Variants in ARHGEF37 observed in about 807,000 individuals in gnomAD.
ARHGEF37 encodes the protein Rho guanine nucleotide exchange factor 37.
Under a neutral mutation model 71.1 loss-of-function variants are expected in ARHGEF37, and 55 were observed. That is an observed-to-expected ratio of 0.77 (90% CI 0.62 to 0.97). The LOEUF (loss-of-function observed/expected upper bound fraction) is 0.97. ARHGEF37 is among the 50% of genes least tolerant of loss of function. The pLI is 0.00. For synonymous variants in ARHGEF37, 327 were observed against 350.6 expected (o/e 0.93, Z 0.75); for missense variants, 765 against 836.8 (o/e 0.91, Z 1.06).
At chr5:149,571,029 G>A (rs1762956600) in intron 1 of ARHGEF37, among the ~76,000 whole-genome samples, 1 of 152,026 alleles carries the variant, frequency 6.6e-6, no homozygotes. Context: ...TGCAACCTCT[G>A]CCTCCCAGGT....
At chr5:149,564,702 T>G (rs1194464188) in intron 1 of ARHGEF37, among the ~76,000 whole-genome samples, 1 of 152,122 alleles carries the variant, frequency 6.6e-6, no homozygotes, top group Non-Finnish European at 1.5e-5. Flanking sequence ...TGCATGCCTG[T>G]AATCCCAGCT....
At chr5:149,555,220 A>C (rs1762737781) in intron 1 of ARHGEF37, among the ~76,000 whole-genome samples, 1 of 152,102 alleles carries the variant, frequency 6.6e-6, no homozygotes. Flanking sequence ...AAATATCAAA[A>C]GTGTAGAATA....
chr5:149,553,670 C>G (rs1160021480), intron 1 of ARHGEF37, among the ~76,000 whole-genome samples: 2 of 152,158 alleles, frequency 1.3e-5, no homozygotes, highest in Non-Finnish European at 2.9e-5. Flanking sequence ...TCCCAAAGAT[C>G]TGTGTATGGA....
intron 1 of ARHGEF37, among the ~76,000 whole-genome samples, chr5:149,562,436 A>T (rs1762844169): frequency 6.6e-6 from 1 of 151,718 alleles, no homozygotes; most frequent in Non-Finnish European, 1.5e-5. Context: ...TTTTATTTTT[A>T]TTATTTTTAT....
rs772012164 is a variant in ARHGEF37, at chr5:149,618,169, G to A, written c.659-7G>A. On this transcript the variant is annotated splice_polypyrimidine_tract_variant and splice_region_variant and intron_variant, in intron 5 of 12. Transcript: ENST00000333677. ...CACCGTGCTTCCCCTCTTCTCTGTCGTTGCAGCCTCCAAGTACACCAAGGT... is the reference window on the plus strand; with the variant it reads ...CACCGTGCTTCCCCTCTTCTCTGTCATTGCAGCCTCCAAGTACACCAAGGT... 29 of 1,613,908 alleles carry A rather than the reference G, an allele frequency of 1.8e-5. No individual in the cohort carries two copies. Among genetic ancestry groups the A allele is most frequent in the Non-Finnish European group, 2.4e-5 (28 of 1,179,956 alleles).
At position 149,597,900 on chromosome 5, in the gene ARHGEF37, C is replaced by G. The variant is rs754328535; in HGVS notation, c.131C>G (p.Ser44Cys). Residue 44 changes from serine (S) to cysteine (C), a missense_variant, in exon 2 of 13, where the codon TCC (serine) becomes TGC (cysteine). Ser to Cys is a moderately radical substitution (Grantham distance 112, BLOSUM62 -1). Coordinates refer to ENST00000333677, the MANE Select transcript of ARHGEF37 (RefSeq NM_001001669.3). ...CGGGAGCTCATCGACACTGAGGTCT[C>G]CTACTTGCACATGCTCCAGCTCTGT... ...AVRELIDTEV[S>C]YLHMLQLCAS... 1.2e-6 allele frequency: 2 copies of G among 1,608,734 alleles called. No homozygotes were observed. Among genetic ancestry groups the G allele is most frequent in the Non-Finnish European group, 1.7e-6 (2 of 1,177,794 alleles).
intron 3 of ARHGEF37, among the ~76,000 whole-genome samples, chr5:149,607,595 C>T (rs1490713185): frequency 6.6e-6 from 1 of 152,116 alleles, no homozygotes; most frequent in East Asian, 1.9e-4. Context: ...TGGGTGCAGG[C>T]GGGCTGAGTC....
At chr5:149,565,551 C>G (rs1762887522) in intron 1 of ARHGEF37, among the ~76,000 whole-genome samples, 1 of 152,160 alleles carries the variant, frequency 6.6e-6, no homozygotes, top group Non-Finnish European at 1.5e-5. Context: ...TGAAATATAC[C>G]TAGCCTTTTA....
intron 4 of ARHGEF37, among the ~76,000 whole-genome samples, chr5:149,611,578 T>A (rs1764079376): frequency 6.6e-6 from 1 of 152,246 alleles, no homozygotes; most frequent in African/African-American, 2.4e-5. Flanking sequence ...TCCATGGTGG[T>A]GGATGTGGCT....
At chr5:149,602,079 C>A (rs1441356870) in intron 3 of ARHGEF37, among the ~76,000 whole-genome samples, 1 of 145,802 alleles carries the variant, frequency 6.9e-6, no homozygotes, top group Non-Finnish European at 1.5e-5. Context: ...TTTTTTGAGA[C>A]GGAGTCTCAC....
intron 4 of ARHGEF37, among the ~76,000 whole-genome samples, chr5:149,610,107 T>C (rs1445488552): frequency 6.6e-6 from 1 of 152,214 alleles, no homozygotes; most frequent in East Asian, 1.9e-4. Flanking sequence ...TGGCCAGGAC[T>C]AATCATAGCT....
chr5:149,631,382 G>A (rs981840427), intron 12 of ARHGEF37, among the ~76,000 whole-genome samples: 1 of 151,994 alleles, frequency 6.6e-6, no homozygotes, highest in Non-Finnish European at 1.5e-5. Context: ...TGTTGGCCAG[G>A]CTGGTCTTGA....
chr5:149,632,775 G>C lies in ARHGEF37; in HGVS notation c.*584G>C, dbSNP rs1199852086. On this transcript the variant is annotated 3_prime_UTR_variant, in exon 13 of 13. Coordinates refer to ENST00000333677, the MANE Select transcript of ARHGEF37 (RefSeq NM_001001669.3). The stretch of plus-strand genomic sequence containing the variant: ...CATGGATTTATCGGTGTAGCAGAGA[G>C]GTTCCCAAGACTCTTGACTGGTCCT... 6.4e-6 allele frequency: 1 copy of C among 156,724 alleles called. No homozygotes were observed. The highest frequency in any genetic ancestry group is 1.4e-5 in the Non-Finnish European group (1 of 70,348). 9.7% of individuals were successfully genotyped at this position (156,724 alleles called of 1,614,324 possible). A position where few individuals can be genotyped will look rare whatever the true frequency, so the allele number is the denominator to read the frequency against.
rs759144075 is a variant in ARHGEF37 at position 149,627,178 on chromosome 5, C to T, written c.1567C>T (p.Leu523=). 7.4e-6 allele frequency: 12 copies of T among 1,614,026 alleles called. No individual in the cohort carries two copies. The highest frequency in any genetic ancestry group is 1.0e-5 in the Non-Finnish European group (12 of 1,180,058). Residue 523 remains leucine, a synonymous_variant, in exon 11 of 13, where the codon CTG becomes TTG. Transcript: ENST00000333677. ...AAGCAACATCAGTGGGACTGGGACT[C>T]TGGACCTGACTCTGCCTCGGGGCCA... ...VTSNISGTGT[L]DLTLPRGQIV...
At chr5:149,566,177 G>T (rs1322948885) in intron 1 of ARHGEF37, among the ~76,000 whole-genome samples, 1 of 151,430 alleles carries the variant, frequency 6.6e-6, no homozygotes, top group East Asian at 2.0e-4. Context: ...GGCTTTGGAA[G>T]AAGTTTAGAC....
intron 4 of ARHGEF37, 99 bp from the exon 5 acceptor site, chr5:149,616,468 C>A: frequency 8.4e-7 from 1 of 1,192,164 alleles, no homozygotes; most frequent in Non-Finnish European, 1.2e-6. Context: ...TGCCTGAGAT[C>A]ACACAGTGAG....
intron 1 of ARHGEF37, among the ~76,000 whole-genome samples, chr5:149,556,068 G>A (rs1283650328): frequency 6.6e-6 from 1 of 152,176 alleles, no homozygotes; most frequent in Non-Finnish European, 1.5e-5. Flanking sequence ...ATAGAGACAA[G>A]CACAAGAAGT....
chr5:149,631,126 T>G (rs1430580588), intron 12 of ARHGEF37, among the ~76,000 whole-genome samples: 1 of 150,634 alleles, frequency 6.6e-6, no homozygotes, highest in African/African-American at 2.4e-5. Context: ...TTTTCTTTCT[T>G]TCTTTCTTTC....
chr5:149,553,726 G>T (rs149337426), intron 1 of ARHGEF37, among the ~76,000 whole-genome samples: 46 of 152,326 alleles, frequency 3.0e-4, no homozygotes, highest in Non-Finnish European at 5.6e-4. Context: ...TGTGAGAAAA[G>T]TAAGCAATAC....
Sources: allele counts gnomAD v4.1 joint callset (sites outside exome capture counted in the v4.1 genomes callset), GRCh38; gene constraint gnomAD v4.1.1; transcripts MANE v1.5; gene names NCBI Gene and HGNC (gene_info 2026-07-23, HGNC 2026-07-21).